Variants in NME9 observed in about 807,000 individuals in gnomAD.
NME9 encodes the protein thioredoxin domain-containing protein 6.
Under a neutral mutation model 44.4 loss-of-function variants are expected in NME9, and 48 were observed. The ratio of observed to expected loss-of-function variants is 1.08; its 90% CI spans 0.86 to 1.37. The LOEUF (loss-of-function observed/expected upper bound fraction) is 1.37, where lower values mean the gene tolerates loss of function less well. Ranked by LOEUF, NME9 falls within the 40% of genes most tolerant of loss-of-function variation. The pLI is 0.00. For synonymous variants in NME9, 139 were observed against 147.1 expected, an observed-to-expected ratio of 0.94 and a Z score of 0.40; for missense variants, 325 against 405.2, an observed-to-expected ratio of 0.80 and a Z score of 1.70.
intron 8 of NME9, chr3:138,262,617 A>G (rs1560008371): frequency 1.9e-6 from 3 of 1,558,148 alleles, no homozygotes; most frequent in South Asian, 1.2e-5. Context: ...AAAAAAATTT[A>G]GGTGCCTAGC....
intron 8 of NME9, among the ~76,000 whole-genome samples, chr3:138,292,581 A>G (rs540672366): frequency 1.3e-5 from 2 of 152,330 alleles, no homozygotes; most frequent in East Asian, 3.9e-4. Context: ...GAAAATGTCT[A>G]GGGTTTTAGC....
Position 138,301,217 on chromosome 3 carries a change from A to C in NME9, c.*423T>G. On this transcript the variant is annotated 3_prime_UTR_variant, in exon 11 of 11. Transcript: ENST00000333911. ...TTTCTTTACTTTTTTTTTTATTATT[A>C]TTATTAAGATGGAGTCTCACTCTGT... is the stretch of plus-strand genomic sequence containing the variant. 1 of 698,306 alleles carries C rather than the reference A, an allele frequency of 1.4e-6. No individual in the cohort carries two copies. The highest frequency in any genetic ancestry group is 1.8e-6 in the Non-Finnish European group (1 of 568,538). 43.3% of individuals were successfully genotyped at this position (698,306 alleles called of 1,614,324 possible). A position where few individuals can be genotyped will look rare whatever the true frequency, so the allele number is the denominator to read the frequency against.
chr3:138,306,046 T>C lies in NME9; in HGVS notation c.594A>G (p.Thr198=). The C allele has an allele frequency of 1.2e-6, 2 of 1,613,868 alleles. No individual in the cohort carries two copies. The highest frequency in any genetic ancestry group is 8.5e-7 in the Non-Finnish European group (1 of 1,179,706). ...GGTAGAAAAGTCGCACTTCTGCCTCTGTCATGGTTCTCTCTTCATTTGTTA... is the reference window on the plus strand; with the variant it reads ...GGTAGAAAAGTCGCACTTCTGCCTCCGTCATGGTTCTCTCTTCATTTGTTA... The part of the protein sequence containing the change: ...EILTNEERTM[T]EAEVRLFYQH... Residue 198 remains threonine (T), a synonymous_variant, in exon 8 of 11, where the codon ACA becomes ACG. Transcript: ENST00000333911.
intron 8 of NME9, among the ~76,000 whole-genome samples, chr3:138,279,828 G>A (rs1042974867): frequency 2.0e-5 from 3 of 152,092 alleles, no homozygotes; most frequent in Non-Finnish European, 4.4e-5. Flanking sequence ...ACATAAAACG[G>A]TTCATAATTT....
At chr3:138,287,182 T>A (rs1446648806) in intron 8 of NME9, among the ~76,000 whole-genome samples, 1 of 152,234 alleles carries the variant, frequency 6.6e-6, no homozygotes. Flanking sequence ...TGTTTAAATC[T>A]TTCAGGGGCT....
chr3:138,315,750 C>T, intron 4 of NME9, 107 bp from the exon 5 acceptor site: 2 of 844,748 alleles, frequency 2.4e-6, no homozygotes, highest in South Asian at 3.3e-5. Context: ...TCCCTCAACC[C>T]CAGGCCTGTA....
chr3:138,295,814 A>C (rs368970818), intron 8 of NME9: 2 of 1,608,194 alleles, frequency 1.2e-6, no homozygotes, highest in African/African-American at 2.7e-5. Context: ...TTTTACCCCA[A>C]TTACAATTCT....
At chr3:138,303,181 G>C (rs2051964893) in intron 10 of NME9, 1 of 229,706 alleles carries the variant, frequency 4.4e-6, no homozygotes, top group African/African-American at 2.2e-5. Flanking sequence ...CTTTGAGGTA[G>C]GCTTTCAGAA....
chr3:138,323,369 T>C (rs907697181), intron 2 of NME9, among the ~76,000 whole-genome samples: 4 of 152,072 alleles, frequency 2.6e-5, no homozygotes, highest in East Asian at 1.9e-4. Context: ...TGAGCCAAGA[T>C]TGCATCACTG....
chr3:138,304,031 G>T (rs2052041950), intron 9 of NME9, among the ~76,000 whole-genome samples: 1 of 152,192 alleles, frequency 6.6e-6, no homozygotes, highest in Non-Finnish European at 1.5e-5. Context: ...AGTTATCCTT[G>T]CAATAACCTC....
chr3:138,324,501 C>A (rs1334498581), intron 2 of NME9: 1 of 465,618 alleles, frequency 2.1e-6, no homozygotes, highest in Non-Finnish European at 4.3e-6. Context: ...TGACTGCAGT[C>A]CCAGGTTCAA....
chr3:138,299,585 GA>G (rs1299522690), downstream of NME9, among the ~76,000 whole-genome samples: 2 of 152,074 alleles, frequency 1.3e-5, no homozygotes, highest in Non-Finnish European at 2.9e-5. Flanking sequence ...CTTATGCCAT[GA>G]AACTTGTGGA....
At chr3:138,281,793 C>T (rs529386926) in intron 8 of NME9, among the ~76,000 whole-genome samples, 102 of 152,270 alleles carry the variant, frequency 6.7e-4, no homozygotes, top group Non-Finnish European at 1.3e-3. Context: ...CCCTGGAATT[C>T]CCCTTTATAT....
At chr3:138,314,465 C>G (rs2052929862) in intron 5 of NME9, 58 bp from the exon 6 acceptor site, 1 of 980,736 alleles carries the variant, frequency 1.0e-6, no homozygotes, top group Non-Finnish European at 1.6e-6. Flanking sequence ...ACCACTAAGA[C>G]CTTCAAAAAC....
rs551000627 is a variant in NME9 at position 138,290,688 on chromosome 3, T to C, written c.745+12819A>G. On this transcript the variant is annotated intron_variant, in intron 8 of 8. Coordinates refer to the NME9 transcript ENST00000317876. ...TTGCTTTGGGCTGTGTTGGATTCTT[T>C]CGTGAAAGGGTTTGAATTGCTTGGT... 5.1e-5 allele frequency: 65 copies of C among 1,283,066 alleles called. No individual in the cohort carries two copies. In the South Asian group the frequency reaches 5.4e-4, roughly 11 times the overall value. 79.5% of individuals were successfully genotyped at this position (1,283,066 alleles called of 1,614,324 possible). A position where few individuals can be genotyped will look rare whatever the true frequency, so the allele number is the denominator to read the frequency against.
intron 8 of NME9, among the ~76,000 whole-genome samples, chr3:138,271,871 C>A (rs934545298): frequency 9.3e-5 from 14 of 150,506 alleles, no homozygotes; most frequent in African/African-American, 3.5e-4. Flanking sequence ...TCTCAGCTCA[C>A]TGCAACCTCT....
At chr3:138,314,708 A>T (rs1051792822) in intron 5 of NME9, among the ~76,000 whole-genome samples, 1 of 152,186 alleles carries the variant, frequency 6.6e-6, no homozygotes, top group Admixed American at 6.5e-5. Flanking sequence ...AAATATTAAG[A>T]GATTGACTAT....
intron 10 of NME9, chr3:138,303,158 G>A (rs2051963905): frequency 4.6e-6 from 1 of 217,984 alleles, no homozygotes; most frequent in Non-Finnish European, 9.5e-6. Flanking sequence ...GAGCAGGTCT[G>A]GCCTCTGACT....
chr3:138,265,465 G>A (rs2048189039), intron 8 of NME9, among the ~76,000 whole-genome samples: 2 of 152,018 alleles, frequency 1.3e-5, no homozygotes, highest in African/African-American at 2.4e-5. Context: ...TATGTACTAA[G>A]CAAAGCCTTC....
Sources: allele counts gnomAD v4.1 joint callset (sites outside exome capture counted in the v4.1 genomes callset), GRCh38; gene constraint gnomAD v4.1.1; transcripts MANE v1.5; gene names NCBI Gene and HGNC (gene_info 2026-07-23, HGNC 2026-07-21).